COMMD1: variants seen among roughly 807,000 people sequenced by gnomAD.
The protein encoded by COMMD1 is COMM domain-containing protein 1.
A neutral mutation model predicts 17.2 loss-of-function variants in COMMD1; 10 were observed. The observed-to-expected ratio is 0.58, with a 90% CI of 0.36 to 0.99. The LOEUF (loss-of-function observed/expected upper bound fraction) is 0.99. COMMD1 is among the 50% of genes least tolerant of loss of function. The pLI is 0.01. For synonymous variants in COMMD1, 97 were observed against 91.6 expected (o/e 1.06, Z -0.34); for missense variants, 270 against 231.8 (o/e 1.17, Z -1.07).
intron 2 of COMMD1, among the ~76,000 whole-genome samples, chr2:62,025,248 C>A (rs1175716087): frequency 6.7e-6 from 1 of 148,626 alleles, no homozygotes; most frequent in Non-Finnish European, 1.5e-5. Flanking sequence ...TAAAAAAAAA[C>A]CAGGCTGGGT....
intron 1 of COMMD1, among the ~76,000 whole-genome samples, chr2:61,992,626 C>T (rs573082782): frequency 9.2e-5 from 14 of 152,250 alleles, no homozygotes; most frequent in African/African-American, 2.6e-4. Context: ...TGCCAACTCC[C>T]GTTTCTTGGG....
chr2:61,977,756 A>G (rs148539099), intron 1 of COMMD1, among the ~76,000 whole-genome samples: 17,543 of 151,800 alleles, frequency 0.12, 2,433 homozygotes, highest in African/African-American at 0.33. Flanking sequence ...GGAGGCCGAG[A>G]CAGGCCGATC....
intron 2 of COMMD1, among the ~76,000 whole-genome samples, chr2:62,104,633 C>CAAAAAAAAA (rs35679940): frequency 2.3e-4 from 18 of 76,630 alleles, no homozygotes; most frequent in Non-Finnish European, 3.8e-4. Flanking sequence ...GACTCCGTCT[C>CAAAAAAAAA]AAAAAAAAAA....
chr2:61,910,285 C>G (rs957795501), intron 1 of COMMD1, among the ~76,000 whole-genome samples: 1 of 151,618 alleles, frequency 6.6e-6, no homozygotes, highest in African/African-American at 2.4e-5. Flanking sequence ...GAGTCTCACT[C>G]TCTTGCCCAG....
intron 1 of COMMD1, among the ~76,000 whole-genome samples, chr2:61,894,952 A>G (rs1001007200): frequency 2.6e-5 from 4 of 152,108 alleles, no homozygotes; most frequent in Non-Finnish European, 5.9e-5. Context: ...CCTGCCTACC[A>G]AAGTGCTGGG....
chr2:61,955,087 C>T (rs573832805), intron 1 of COMMD1, among the ~76,000 whole-genome samples: 3 of 152,328 alleles, frequency 2.0e-5, no homozygotes, highest in East Asian at 1.9e-4. Context: ...AATAATTTGG[C>T]GTTCCAACAG....
chr2:62,033,572 C>A (rs1338538176), intron 2 of COMMD1, among the ~76,000 whole-genome samples: 1 of 151,758 alleles, frequency 6.6e-6, no homozygotes, highest in Non-Finnish European at 1.5e-5. Flanking sequence ...AGCAAGACCC[C>A]CATCTGTAAA....
At chr2:62,025,061 A>T (rs1030194242) in intron 2 of COMMD1, among the ~76,000 whole-genome samples, 1 of 151,598 alleles carries the variant, frequency 6.6e-6, no homozygotes, top group East Asian at 1.9e-4. Context: ...CTCTGCCAAA[A>T]ATGCAAAAAT....
intron 1 of COMMD1, among the ~76,000 whole-genome samples, chr2:61,907,364 C>T (rs559856940): frequency 3.5e-4 from 53 of 152,344 alleles, no homozygotes; most frequent in African/African-American, 1.1e-3. Flanking sequence ...CTCGGCCTCC[C>T]GGAGTGCCAG....
chr2:61,956,304 G>C (rs1362694699), intron 1 of COMMD1, among the ~76,000 whole-genome samples: 1 of 152,126 alleles, frequency 6.6e-6, no homozygotes, highest in African/African-American at 2.4e-5. Context: ...TGTGAATTCT[G>C]TTCCACAGAT....
chr2:61,965,814 TGTTA>T (rs1426219287), intron 1 of COMMD1, among the ~76,000 whole-genome samples: 1 of 152,062 alleles, frequency 6.6e-6, no homozygotes, highest in African/African-American at 2.4e-5. Flanking sequence ...GTTAATATTT[TGTTA>T]GTTCTTCGCT....
At chr2:62,035,899 A>T (rs1024414694) in intron 2 of COMMD1, among the ~76,000 whole-genome samples, 1 of 151,820 alleles carries the variant, frequency 6.6e-6, no homozygotes, top group Non-Finnish European at 1.5e-5. Flanking sequence ...AAAAAAATAC[A>T]AAAAATTAGC....
intron 2 of COMMD1, among the ~76,000 whole-genome samples, chr2:62,051,735 A>G (rs1405801111): frequency 6.6e-6 from 1 of 152,226 alleles, no homozygotes; most frequent in Non-Finnish European, 1.5e-5. Flanking sequence ...ACCTCCTGGA[A>G]TTGATTGAAA....
At chr2:61,968,092 C>G (rs1029346599) in intron 1 of COMMD1, among the ~76,000 whole-genome samples, 1 of 152,012 alleles carries the variant, frequency 6.6e-6, no homozygotes, top group Non-Finnish European at 1.5e-5. Context: ...ACCCAGGAGG[C>G]AGAGGTTGCA....
At chr2:61,982,384 T>C (rs1458201393) in intron 1 of COMMD1, among the ~76,000 whole-genome samples, 1 of 152,188 alleles carries the variant, frequency 6.6e-6, no homozygotes, top group Non-Finnish European at 1.5e-5. Flanking sequence ...TAATGGTTTT[T>C]TTGGTAGAGT....
At chr2:61,994,405 T>G (rs1050651644) in intron 1 of COMMD1, among the ~76,000 whole-genome samples, 1 of 152,252 alleles carries the variant, frequency 6.6e-6, no homozygotes, top group Admixed American at 6.5e-5. Context: ...ACCAGAAAGT[T>G]GTAATATTTA....
intron 1 of COMMD1, chr2:61,968,864 T>A (rs2103716794): frequency 4.9e-6 from 1 of 204,224 alleles, no homozygotes. Flanking sequence ...GGCCTCAGTT[T>A]TTACTTAAAA....
At chr2:62,116,996 CAAAAA>C (rs11350513) in intron 2 of COMMD1, among the ~76,000 whole-genome samples, 2 of 100,900 alleles carry the variant, frequency 2.0e-5, no homozygotes, top group Non-Finnish European at 2.1e-5. Context: ...AACTTCGTCT[CAAAAA>C]AAAAAAAAAA....
chr2:62,005,818 C>T (rs1249163040), intron 2 of COMMD1, among the ~76,000 whole-genome samples: 1 of 151,364 alleles, frequency 6.6e-6, no homozygotes, highest in East Asian at 1.9e-4. Flanking sequence ...CTAGAAATAC[C>T]ATTTGACCCA....
Sources: allele counts gnomAD v4.1 joint callset (sites outside exome capture counted in the v4.1 genomes callset), GRCh38; gene constraint gnomAD v4.1.1; transcripts MANE v1.5; gene names NCBI Gene and HGNC (gene_info 2026-07-23, HGNC 2026-07-21).